Variants in FHIT observed in about 807,000 individuals in gnomAD.
FHIT encodes bis(5'-adenosyl)-triphosphatase.
In FHIT, 19 loss-of-function variants were observed where a neutral mutation model predicts 17.9. That is an observed-to-expected ratio of 1.06 (90% CI 0.74 to 1.56). The LOEUF is 1.56. Ranked by LOEUF, FHIT falls within the 40% of genes most tolerant of loss-of-function variation. The pLI, the probability that FHIT is intolerant of heterozygous loss-of-function variation, is 0.00. For missense variants in FHIT, 248 were observed against 189.2 expected (o/e 1.31, Z -1.82); for synonymous variants, 81 against 69.7 (o/e 1.16, Z -0.81).
intron 5 of FHIT, among the ~76,000 whole-genome samples, chr3:60,166,305 G>A (rs577682499): frequency 1.3e-5 from 2 of 152,216 alleles, no homozygotes; most frequent in South Asian, 4.2e-4. Context: ...CATCCAAAGG[G>A]TTCAGAATTA....
chr3:60,046,457 C>G (rs1048621675), intron 5 of FHIT, among the ~76,000 whole-genome samples: 2 of 152,212 alleles, frequency 1.3e-5, no homozygotes, highest in Admixed American at 1.3e-4. Flanking sequence ...GCTCGGCCAG[C>G]TGACAGCAGA....
chr3:59,767,662 T>C (rs552573849), intron 8 of FHIT, among the ~76,000 whole-genome samples: 242 of 152,294 alleles, frequency 1.6e-3, no homozygotes, highest in African/African-American at 5.1e-3. Flanking sequence ...TGGAGCTCTA[T>C]TGAGTGCTTG....
intron 5 of FHIT, among the ~76,000 whole-genome samples, chr3:60,064,531 G>T (rs552799600): frequency 6.6e-6 from 1 of 152,284 alleles, no homozygotes; most frequent in East Asian, 1.9e-4. Context: ...TCCACACCCT[G>T]AATGATGAGG....
chr3:59,813,390 C>A (rs962972276), intron 8 of FHIT, among the ~76,000 whole-genome samples: 1 of 152,126 alleles, frequency 6.6e-6, no homozygotes. Context: ...GACGTACCCT[C>A]GCATTCTTTC....
At chr3:61,063,187 C>T (rs567024384) in intron 2 of FHIT, among the ~76,000 whole-genome samples, 1 of 148,268 alleles carries the variant, frequency 6.7e-6, no homozygotes, top group Non-Finnish European at 1.5e-5. Flanking sequence ...ACCCGGGAGG[C>T]AGAGCTTGCA....
intron 8 of FHIT, among the ~76,000 whole-genome samples, chr3:59,764,863 AACACACACACACACACACACACACAC>A (rs57549363): frequency 0.012 from 1,811 of 145,794 alleles, 44 homozygotes; most frequent in African/African-American, 0.044. Context: ...GGCAACTGCA[AACACACACACACACACACACACACAC>A]ACACACACAC....
intron 8 of FHIT, among the ~76,000 whole-genome samples, chr3:59,843,591 T>A (rs1168575434): frequency 6.6e-6 from 1 of 152,204 alleles, no homozygotes; most frequent in Non-Finnish European, 1.5e-5. Flanking sequence ...CAGAAATGTT[T>A]TACAGTTTTC....
rs1027944523 is a variant in FHIT at position 60,416,035 on chromosome 3, T to C, written c.103+120825A>G. On this transcript the variant is annotated intron_variant, in intron 5 of 9. Transcript: ENST00000492590. ...AGTTGTTCAATACATGTTATCTTAA[T>C]TCTTATTAAATTATTACTTTTAAGA... 4.6e-5 allele frequency among the ~76,000 whole-genome samples: 7 copies of C among 151,444 alleles called. No individual in the cohort carries two copies. In the East Asian group the frequency reaches 1.4e-3, roughly 29 times the overall value.
chr3:60,653,438 A>G (rs1437128065), intron 4 of FHIT, among the ~76,000 whole-genome samples: 1 of 152,126 alleles, frequency 6.6e-6, no homozygotes, highest in African/African-American at 2.4e-5. Flanking sequence ...TGAGAAAAAA[A>G]TAAAATATAT....
intron 2 of FHIT, among the ~76,000 whole-genome samples, chr3:61,160,314 T>C (rs1014333309): frequency 2.0e-5 from 3 of 152,126 alleles, no homozygotes; most frequent in Non-Finnish European, 4.4e-5. Context: ...CGTGCCATGA[T>C]CTACCATCAA....
chr3:60,700,027 A>T (rs2041206773), intron 4 of FHIT, among the ~76,000 whole-genome samples: 1 of 151,470 alleles, frequency 6.6e-6, no homozygotes, highest in Admixed American at 6.6e-5. Context: ...GCTTCTCAGG[A>T]GGCTGAAGCA....
intron 3 of FHIT, among the ~76,000 whole-genome samples, chr3:60,854,103 G>A (rs1270401805): frequency 2.6e-5 from 4 of 152,086 alleles, no homozygotes; most frequent in African/African-American, 7.2e-5. Context: ...AACTTCTTGG[G>A]TTGTGGTTCC....
At chr3:60,866,527 T>G (rs1486232870) in intron 3 of FHIT, among the ~76,000 whole-genome samples, 1 of 152,174 alleles carries the variant, frequency 6.6e-6, no homozygotes, top group Non-Finnish European at 1.5e-5. Flanking sequence ...GAAGTGGATC[T>G]TACAGCCCCA....
chr3:60,686,279 T>C (rs2040860178), intron 4 of FHIT, among the ~76,000 whole-genome samples: 1 of 152,186 alleles, frequency 6.6e-6, no homozygotes, highest in South Asian at 2.1e-4. Flanking sequence ...TTGATTACAA[T>C]GTGCCTCAGC....
At chr3:61,104,475 C>T (rs937439385) in intron 2 of FHIT, among the ~76,000 whole-genome samples, 8 of 152,120 alleles carry the variant, frequency 5.3e-5, no homozygotes, top group Admixed American at 5.2e-4. Context: ...GGTGAGCTGA[C>T]CTTTCTCTCT....
At chr3:60,434,028 G>A (rs150774142) in intron 5 of FHIT, among the ~76,000 whole-genome samples, 78 of 152,098 alleles carry the variant, frequency 5.1e-4, no homozygotes, top group African/African-American at 1.8e-3. Context: ...TTCTACAGAC[G>A]TTATAGATTC....
chr3:60,466,060 T>G (rs2032772893), intron 5 of FHIT, among the ~76,000 whole-genome samples: 1 of 152,018 alleles, frequency 6.6e-6, no homozygotes, highest in Admixed American at 6.6e-5. Context: ...TCTTCAATTT[T>G]TTACATCAAT....
At chr3:61,069,005 G>T (rs1235477527) in intron 2 of FHIT, among the ~76,000 whole-genome samples, 1 of 152,102 alleles carries the variant, frequency 6.6e-6, no homozygotes, top group Non-Finnish European at 1.5e-5. Context: ...TGAAATTCTT[G>T]GTTGAGAGAA....
intron 4 of FHIT, among the ~76,000 whole-genome samples, chr3:60,559,468 C>T: frequency 6.6e-6 from 1 of 152,214 alleles, no homozygotes; most frequent in East Asian, 1.9e-4. Context: ...GATGTCCCCT[C>T]TTGCCTTGAT....
Sources: gnomAD v4.1 joint callset for allele counts (sites outside exome capture counted in the v4.1 genomes callset) on GRCh38, gnomAD v4.1.1 for gene constraint, MANE v1.5 for transcripts, NCBI Gene and HGNC (gene_info 2026-07-23, HGNC 2026-07-21) for gene names.